The following NONO variants were observed in gnomAD, a reference collection of about 807,000 sequenced individuals.
The protein encoded by NONO is non-POU domain-containing octamer-binding protein.
A neutral mutation model predicts 40.2 loss-of-function variants in NONO; 6 were observed. That is an observed-to-expected ratio of 0.15 (90% CI 0.08 to 0.29). The LOEUF (loss-of-function observed/expected upper bound fraction) is 0.29. Among genes scored for constraint, NONO ranks in the 10% least tolerant of loss-of-function variants. The pLI is 1.00. For synonymous variants in NONO, 89 were observed against 123.3 expected (o/e 0.72, Z 1.85); for missense variants, 133 against 397.8 (o/e 0.33, Z 5.66).
At chrX:71,298,926 CT>C (rs908514265) in intron 11 of NONO, 110 bp downstream of exon 11, 13,995 of 348,752 alleles carry the variant, frequency 0.04, no homozygotes, top group East Asian at 0.053. Context: ...AGATAGCAGT[CT>C]TTTTTTTTTT....
At chrX:71,285,483 G>T (rs938066683) in intron 2 of NONO, among the ~76,000 whole-genome samples, 1 of 111,258 alleles carries the variant, frequency 9.0e-6, no homozygotes, top group Non-Finnish European at 1.9e-5. Flanking sequence ...CTATTTTTAA[G>T]AATTTATCCT....
At chrX:71,283,766 A>T (rs769891488) in intron 1 of NONO, 45 bp downstream of exon 1, 2 of 110,534 alleles carry the variant, frequency 1.8e-5, no homozygotes, top group Admixed American at 9.7e-5. Context: ...GGGTAGTGGG[A>T]TTTCTTGGAA....
rs1239827203 is a variant in NONO, at chrX:71,283,672, G to A, written c.-116G>A. On this transcript the variant is annotated 5_prime_UTR_variant, in exon 1 of 12. Coordinates refer to ENST00000276079, the MANE Select transcript of NONO (RefSeq NM_007363.5). ...CGCGCGCTCTTTTCTCGGGACGGGA[G>A]AGGCCGTGTAGCGTCGCCGTTACTC... 1 of 111,499 alleles carries A rather than the reference G, an allele frequency of 9.0e-6. No homozygotes were observed. Among genetic ancestry groups the A allele is most frequent in the Non-Finnish European group, 1.9e-5 (1 of 53,019 alleles). The allele number at this position is 111,499 out of a possible 1,213,427, so 9.2% of individuals were successfully genotyped here.
intron 4 of NONO, 132 bp from the exon 5 acceptor site, chrX:71,294,095 T>TA: frequency 1.5e-6 from 1 of 674,518 alleles, no homozygotes; most frequent in Non-Finnish European, 2.2e-6. Flanking sequence ...GTTAAGTTCT[T>TA]TCACTTCTGT....
intron 2 of NONO, among the ~76,000 whole-genome samples, chrX:71,289,061 C>T (rs944039557): frequency 3.6e-5 from 4 of 111,505 alleles, no homozygotes; most frequent in Non-Finnish European, 7.5e-5. Flanking sequence ...GAATCTATTT[C>T]GATCATTTTG....
intron 11 of NONO, among the ~76,000 whole-genome samples, chrX:71,299,113 G>C (rs2148041135): frequency 9.0e-6 from 1 of 111,602 alleles, no homozygotes; most frequent in East Asian, 2.8e-4. Flanking sequence ...GTAGAGATGG[G>C]GTTACACCAT....
At chrX:71,293,792 T>C (rs1569239651) in intron 4 of NONO, among the ~76,000 whole-genome samples, 1 of 109,875 alleles carries the variant, frequency 9.1e-6, no homozygotes, top group Non-Finnish European at 1.9e-5. Context: ...CCACTGCGCC[T>C]GGCTAATTTT....
chrX:71,299,935 C>G lies in NONO; in HGVS notation c.1282-7C>G, dbSNP rs1569242044. On this transcript the variant is annotated splice_region_variant and splice_polypyrimidine_tract_variant and intron_variant, in intron 11 of 11. Coordinates refer to ENST00000276079, the MANE Select transcript of NONO (RefSeq NM_007363.5). ...TGTTACAGTGTTGCTCTCTTTTTCT[C>G]TTTAAGACCCCACCAACAACTGAAC... 3 of 1,208,834 alleles carry G rather than the reference C, an allele frequency of 2.5e-6. No individual in the cohort carries two copies. Among genetic ancestry groups the G allele is most frequent in the Non-Finnish European group, 3.4e-6 (3 of 894,846 alleles).
intron 6 of NONO, 55 bp downstream of exon 6, chrX:71,296,715 T>C (rs2031459263): frequency 9.8e-7 from 1 of 1,018,964 alleles, no homozygotes; most frequent in East Asian, 3.1e-5. Flanking sequence ...AGAAAGCTTA[T>C]AAAGGGATAT....
intron 5 of NONO, among the ~76,000 whole-genome samples, chrX:71,295,786 G>A (rs1187325129): frequency 9.0e-6 from 1 of 111,301 alleles, no homozygotes; most frequent in African/African-American, 3.3e-5. Context: ...GGAAGACTCC[G>A]TTTCCAAAAA....
intron 1 of NONO, 26 bp downstream of exon 1, chrX:71,283,747 T>C (rs1268489824): frequency 9.0e-6 from 1 of 110,789 alleles, no homozygotes; most frequent in Non-Finnish European, 1.9e-5. Flanking sequence ...TCTTGGTTCT[T>C]GTTTGGGAGG....
At chrX:71,297,299 T>C in intron 7 of NONO, 78 bp from the exon 8 acceptor site, 1 of 967,537 alleles carries the variant, frequency 1.0e-6, no homozygotes, top group Non-Finnish European at 1.4e-6. Flanking sequence ...CTCTTTGCTT[T>C]CTGGATCTTT....
chrX:71,300,382 T>G lies in NONO; in HGVS notation c.*306T>G. The G allele has an allele frequency of 7.0e-6, 2 of 287,642 alleles. No homozygotes were observed. Among genetic ancestry groups the G allele is most frequent in the Admixed American group, 6.5e-5 (1 of 15,476 alleles). 23.7% of individuals were successfully genotyped at this position (287,642 alleles called of 1,213,427 possible). On this transcript the variant is annotated 3_prime_UTR_variant, in exon 12 of 12. Transcript: ENST00000276079. ...AGTTAGAGCCCATTAATCTTGATCA[T>G]TCCGGTTTTTTTTTTTTTTGTCCAT...
chrX:71,284,778 C>T (rs757724881), intron 2 of NONO, among the ~76,000 whole-genome samples: 2 of 111,876 alleles, frequency 1.8e-5, no homozygotes, highest in African/African-American at 6.5e-5. Flanking sequence ...TAAATTTATA[C>T]CAGATTTAGA....
chrX:71,290,613 TA>T lies in NONO; in HGVS notation c.-9-15del. The T allele has an allele frequency of 8.4e-7, 1 of 1,190,435 alleles. No homozygotes were observed. Among genetic ancestry groups the T allele is most frequent in the Non-Finnish European group, 1.1e-6 (1 of 878,203 alleles). On this transcript the variant is annotated splice_polypyrimidine_tract_variant and intron_variant, in intron 2 of 11. Coordinates refer to ENST00000276079, the MANE Select transcript of NONO (RefSeq NM_007363.5). The stretch of plus-strand genomic sequence containing the variant: ...TTAGTACTGAATTTATTTATTAGTC[TA>T]CTTTTTCTTTGTAGGGTGCAAAAAT...
At chrX:71,289,062 G>A (rs1039697808) in intron 2 of NONO, among the ~76,000 whole-genome samples, 1 of 111,454 alleles carries the variant, frequency 9.0e-6, no homozygotes, top group African/African-American at 3.3e-5. Flanking sequence ...AATCTATTTC[G>A]ATCATTTTGT....
chrX:71,290,254 G>T (rs759703590), intron 2 of NONO, among the ~76,000 whole-genome samples: 1 of 111,169 alleles, frequency 9.0e-6, no homozygotes, highest in South Asian at 3.8e-4. Flanking sequence ...TCACCATGTT[G>T]CCCAGGCTGG....
At chrX:71,291,739 A>C in intron 3 of NONO, 40 bp from the exon 4 acceptor site, 1 of 1,012,194 alleles carries the variant, frequency 9.9e-7, no homozygotes, top group Non-Finnish European at 1.3e-6. Flanking sequence ...CTATAATTCT[A>C]TTTCCCCAGT....
intron 3 of NONO, 112 bp downstream of exon 3, chrX:71,290,903 T>G: frequency 2.3e-6 from 2 of 859,348 alleles, no homozygotes; most frequent in Middle Eastern, 6.6e-4. Context: ...TGGCACACCT[T>G]TGTTCTTTTT....
Sources: allele counts gnomAD v4.1 joint callset (sites outside exome capture counted in the v4.1 genomes callset), GRCh38; gene constraint gnomAD v4.1.1; transcripts MANE v1.5; gene names NCBI Gene and HGNC (gene_info 2026-07-23, HGNC 2026-07-21).